Variants in LRRC66 observed in about 807,000 individuals in gnomAD.
LRRC66 encodes the protein leucine rich repeat containing 66, also known as leucine-rich repeat-containing protein 66.
A neutral mutation model predicts 24.6 loss-of-function variants in LRRC66; 29 were observed. That is an observed-to-expected ratio of 1.18 (90% CI 0.88 to 1.61). The LOEUF (loss-of-function observed/expected upper bound fraction) is 1.61. Ranked by LOEUF, LRRC66 falls within the 40% of genes most tolerant of loss-of-function variation. The pLI is 0.00. For missense variants in LRRC66, 1,124 were observed against 1,058.0 expected (o/e 1.06, Z -0.87); for synonymous variants, 411 against 397.6 (o/e 1.03, Z -0.40).
rs1309015469 is a variant in LRRC66, at chr4:51,998,008, A to G, written c.667-71T>C. 3.8e-6 allele frequency: 5 copies of G among 1,316,926 alleles called. No homozygotes were observed. The East Asian group carries it at 9.3e-5, about 24-fold the overall frequency. 81.6% of individuals were successfully genotyped at this position (1,316,926 alleles called of 1,614,324 possible). A position where few individuals can be genotyped will look rare whatever the true frequency, so the allele number is the denominator to read the frequency against. ...TTTACAGATAAAATAAATGAGTTAC[A>G]GAAAACTACTGTTTATGTCTCTATG... On this transcript the variant is annotated intron_variant, in intron 3 of 4. Coordinates refer to ENST00000682860, the MANE Select transcript of LRRC66 (RefSeq NM_001024611.3).
In LRRC66 at chr4:51,995,868, A is replaced by T; in HGVS notation, c.1154T>A (p.Ile385Asn). 1.9e-6 allele frequency: 3 copies of T among 1,614,152 alleles called. No individual in the cohort carries two copies. Among genetic ancestry groups the T allele is most frequent in the South Asian group, 2.2e-5 (2 of 91,078 alleles). Residue 385 changes from isoleucine (I) to asparagine (N), a missense_variant, in exon 5 of 5, where the codon ATC becomes AAC. By Grantham distance (149) the Ile-to-Asn change is moderately radical (BLOSUM62 -3). Transcript: ENST00000682860. Reference sequence around the variant, plus strand: ...CAGGCTGAAGGCGACAAGGAATGTGATGAACACTGACAGGCACACCGCCAG... The same window carrying T: ...CAGGCTGAAGGCGACAAGGAATGTGTTGAACACTGACAGGCACACCGCCAG... Reference protein sequence around the residue: ...LALAVCLSVFITFLVAFSLGA... With the variant: ...LALAVCLSVFNTFLVAFSLGA...
chr4:52,004,157 C>A (rs1298766706), intron 2 of LRRC66, among the ~76,000 whole-genome samples: 3 of 152,158 alleles, frequency 2.0e-5, no homozygotes, highest in African/African-American at 7.2e-5. Context: ...CGCCTGCCAC[C>A]ATGCCAGGCT....
chr4:52,004,997 AC>A (rs1169250876), intron 2 of LRRC66, among the ~76,000 whole-genome samples: 1 of 152,228 alleles, frequency 6.6e-6, no homozygotes, highest in African/African-American at 2.4e-5. Flanking sequence ...GGACCATCCA[AC>A]CATAAAATTA....
intron 2 of LRRC66, among the ~76,000 whole-genome samples, chr4:52,015,797 C>T (rs1378239495): frequency 6.6e-6 from 1 of 151,982 alleles, no homozygotes; most frequent in Non-Finnish European, 1.5e-5. Context: ...TATATAAAAA[C>T]CAACTATTTG....
intron 3 of LRRC66, among the ~76,000 whole-genome samples, chr4:51,999,965 AATCT>A (rs1560557976): frequency 6.6e-6 from 1 of 152,212 alleles, no homozygotes; most frequent in South Asian, 2.1e-4. Flanking sequence ...TGCTTTGAAA[AATCT>A]ATCTGGCTTC....
chr4:52,018,641 G>C, intron 1 of LRRC66: 2 of 954,566 alleles, frequency 2.1e-6, no homozygotes, highest in Middle Eastern at 5.4e-4. Flanking sequence ...CTACAATAAC[G>C]TATTTCCTAT....
rs1275067237 is a variant in LRRC66, at chr4:51,995,756, G to A, written c.1266C>T (p.Asn422=). ...CTTCCATGTCATCGTAGAAGCCCTCGTTTGAATACGCGTTGTCCAGGCCAG... is the reference window on the plus strand; with the variant it reads ...CTTCCATGTCATCGTAGAAGCCCTCATTTGAATACGCGTTGTCCAGGCCAG... ...KSPGLDNAYS[N]EGFYDDMEAA... The change falls in exon 5 of 5, where the codon AAC becomes AAT. Residue 422 remains asparagine (N), a synonymous_variant. Transcript: ENST00000682860. The A allele has an allele frequency of 1.2e-6, 2 of 1,614,116 alleles. No homozygotes were observed. The highest frequency in any genetic ancestry group is 8.5e-7 in the Non-Finnish European group (1 of 1,180,022).
chr4:51,996,369 C>T (rs1736318217), intron 4 of LRRC66, among the ~76,000 whole-genome samples: 1 of 152,108 alleles, frequency 6.6e-6, no homozygotes, highest in African/African-American at 2.4e-5. Context: ...ACCTCAGCCT[C>T]TAGAGTAGCT....
rs1356700805 is a variant in LRRC66, at chr4:52,017,497, A to C, written c.117T>G (p.Asn39Lys). Residue 39 changes from asparagine (N) to lysine (K), a missense_variant, in exon 2 of 5, where the codon AAT (asparagine) becomes AAG (lysine). By Grantham distance (94) the Asn-to-Lys change is moderately conservative. Coordinates refer to ENST00000682860, the MANE Select transcript of LRRC66 (RefSeq NM_001024611.3). The stretch of plus-strand genomic sequence containing the variant: ...AAGAACAATTTGTCAGAATATATTC[A>C]TTCCATTGGCATTCAGAATTGAATA... ...NILFNSECQW[N>K]EYILTNCSFT... 1.9e-6 allele frequency: 3 copies of C among 1,613,976 alleles called. No homozygotes were observed. The highest frequency in any genetic ancestry group is 2.5e-6 in the Non-Finnish European group (3 of 1,179,948).
At chr4:52,017,046 T>C (rs878931097) in intron 2 of LRRC66, 72 bp downstream of exon 2, 1 of 1,483,638 alleles carries the variant, frequency 6.7e-7, no homozygotes, top group South Asian at 1.4e-5. Context: ...TGAAAACAAA[T>C]GTGGAATTCT....
In LRRC66 at chr4:51,995,638, G is replaced by A. The variant is rs1348269219; in HGVS notation, c.1384C>T (p.Gln462Ter). Residue 462 changes from glutamine (Q) to a stop codon, truncating the protein, a stop_gained, in exon 5 of 5, where the codon CAG becomes TAG. Coordinates refer to ENST00000682860, the MANE Select transcript of LRRC66 (RefSeq NM_001024611.3). LOFTEE classifies it low-confidence loss of function (END_TRUNC). Reference protein sequence around the residue: ...YENQTPFWVTQPHPHATVIPD... With the variant: ...YENQTPFWVT The stretch of plus-strand genomic sequence containing the variant: ...ATTACGGTGGCGTGTGGGTGTGGCT[G>A]TGTCACCCAGAAAGGGGTCTGGTTC... The A allele has an allele frequency of 1.2e-6, 2 of 1,614,108 alleles. No individual in the cohort carries two copies. Among genetic ancestry groups the A allele is most frequent in the East Asian group, 4.5e-5 (2 of 44,866 alleles).
intron 3 of LRRC66, among the ~76,000 whole-genome samples, chr4:52,002,825 G>C (rs968822175): frequency 6.6e-6 from 1 of 152,148 alleles, no homozygotes; most frequent in East Asian, 1.9e-4. Context: ...GTGGTTTAGC[G>C]GGGCCTCCCC....
At chr4:52,007,273 G>A (rs781076961) in intron 2 of LRRC66, among the ~76,000 whole-genome samples, 2 of 152,168 alleles carry the variant, frequency 1.3e-5, no homozygotes, top group Non-Finnish European at 2.9e-5. Flanking sequence ...CGAACTCCTA[G>A]GCTCAAGCGA....
Position 51,995,434 on chromosome 4 carries a change from T to A in LRRC66, c.1588A>T (p.Arg530Trp). The change falls in exon 5 of 5, where the codon AGG (arginine) becomes TGG (tryptophan). Residue 530 changes from arginine (R) to tryptophan (W), a missense_variant. Arg to Trp is a moderately radical substitution (Grantham distance 101). Coordinates refer to ENST00000682860, the MANE Select transcript of LRRC66 (RefSeq NM_001024611.3). ...LMSAAQDHIH[R>W]NDILGEWTYE... ...GTCCATTCTCCGAGAATATCATTCC[T>A]ATGGATGTGGTCCTGCGCTGCTGAC... The A allele has an allele frequency of 6.2e-7, 1 of 1,614,168 alleles. No homozygotes were observed. The highest frequency in any genetic ancestry group is 8.5e-7 in the Non-Finnish European group (1 of 1,180,036).
In LRRC66 at chr4:51,994,460, T is replaced by C. The variant is rs1366658195; in HGVS notation, c.2562A>G (p.Gln854=). Residue 854 remains glutamine, a synonymous_variant, in exon 5 of 5, where the codon CAA becomes CAG. Coordinates refer to ENST00000682860, the MANE Select transcript of LRRC66 (RefSeq NM_001024611.3). ...LEFSNVDVLQ[Q]TPPCSAEVPS... Reference sequence around the variant, plus strand: ...GAACTTCAGCAGAACATGGTGGTGTTTGCTGTAAAACGTCCACATTTGAAA... The same window carrying C: ...GAACTTCAGCAGAACATGGTGGTGTCTGCTGTAAAACGTCCACATTTGAAA... 6.8e-6 allele frequency: 11 copies of C among 1,614,228 alleles called. No individual in the cohort carries two copies. The East Asian group carries it at 2.5e-4, about 36-fold the overall frequency.
Position 52,017,457 on chromosome 4 carries a change from C to G in LRRC66, c.157G>C (p.Asp53His). The change falls in exon 2 of 5, where the codon GAT becomes CAT. Residue 53 changes from aspartate to histidine, a missense_variant. Physicochemically the swap from Asp to His is moderately conservative, Grantham distance 81. Transcript: ENST00000682860. Reference protein sequence around the residue: ...LTNCSFTGKCDIPVDISQTAA... With the variant: ...LTNCSFTGKCHIPVDISQTAA... ...GTCTGTGATATGTCCACAGGTATATCACACTTTCCGGTAAAAGAACAATTT... is the reference window on the plus strand; with the variant it reads ...GTCTGTGATATGTCCACAGGTATATGACACTTTCCGGTAAAAGAACAATTT... 1 of 1,614,068 alleles carries G rather than the reference C, an allele frequency of 6.2e-7. No homozygotes were observed. Among genetic ancestry groups the G allele is most frequent in the Middle Eastern group, 1.6e-4 (1 of 6,062 alleles).
At chr4:52,006,080 T>G (rs533150197) in intron 2 of LRRC66, among the ~76,000 whole-genome samples, 1 of 152,312 alleles carries the variant, frequency 6.6e-6, no homozygotes, top group Admixed American at 6.5e-5. Context: ...TCTCAGTGCT[T>G]AATTGAATTG....
intron 2 of LRRC66, among the ~76,000 whole-genome samples, chr4:52,015,763 A>G (rs1362595235): frequency 6.6e-6 from 1 of 152,238 alleles, no homozygotes; most frequent in Non-Finnish European, 1.5e-5. Flanking sequence ...CTAGTGCTTG[A>G]TTAAACCAAT....
At position 51,995,292 on chromosome 4, in the gene LRRC66, T is replaced by A. The variant is rs1416357253; in HGVS notation, c.1730A>T (p.Asp577Val). ...GSSRYDSNEL[D>V]PSLSGEITAS... Reference sequence around the variant, plus strand: ...TGTTATTTCTCCGGAGAGGGAAGGGTCTAATTCATTGGAATCATAACGGCT... The same window carrying A: ...TGTTATTTCTCCGGAGAGGGAAGGGACTAATTCATTGGAATCATAACGGCT... The change falls in exon 5 of 5, where the codon GAC becomes GTC. Residue 577 changes from aspartate (D) to valine (V), a missense_variant. By Grantham distance (152) the Asp-to-Val change is radical. Transcript: ENST00000682860. 3 of 1,614,122 alleles carry A rather than the reference T, an allele frequency of 1.9e-6. No homozygotes were observed. The highest frequency in any genetic ancestry group is 4.5e-5 in the East Asian group (2 of 44,864).
Sources: gnomAD v4.1 joint callset for allele counts (sites outside exome capture counted in the v4.1 genomes callset) on GRCh38, gnomAD v4.1.1 for gene constraint, MANE v1.5 for transcripts, NCBI Gene and HGNC (gene_info 2026-07-23, HGNC 2026-07-21) for gene names.